Variants in MYO5B observed in about 807,000 individuals in gnomAD.
MYO5B encodes myosin VB.
In MYO5B, 143 loss-of-function variants were observed where a neutral mutation model predicts 229.3. The ratio of observed to expected loss-of-function variants is 0.62; its 90% confidence interval spans 0.54 to 0.72. MYO5B has a LOEUF of 0.72. Among genes scored for constraint, MYO5B ranks in the 30% least tolerant of loss-of-function variants. The probability of loss-of-function intolerance (pLI) is 0.00; values close to 1 mark genes in which losing one functional copy is unlikely to be tolerated. For missense variants in MYO5B, 2,321 were observed against 2,331.0 expected (o/e 1.00, Z 0.09); for synonymous variants, 918 against 885.2 (o/e 1.04, Z -0.66).
intron 29 of MYO5B, among the ~76,000 whole-genome samples, chr18:49,857,426 G>A (rs895664358): frequency 4.6e-5 from 7 of 152,160 alleles, no homozygotes; most frequent in Non-Finnish European, 5.9e-5. Flanking sequence ...CCTGGGGGAC[G>A]TCAGGCCCAC....
chr18:50,031,758 C>G (rs1019880619), intron 4 of MYO5B, among the ~76,000 whole-genome samples: 9 of 152,340 alleles, frequency 5.9e-5, no homozygotes, highest in Non-Finnish European at 7.4e-5. Flanking sequence ...CATATTATTT[C>G]CTTATCCAAG....
intron 1 of MYO5B, among the ~76,000 whole-genome samples, chr18:50,117,651 C>T (rs2031986490): frequency 6.6e-6 from 1 of 152,028 alleles, no homozygotes; most frequent in African/African-American, 2.4e-5. Flanking sequence ...AAAACAGGGC[C>T]ATTATTCTCT....
intron 9 of MYO5B, among the ~76,000 whole-genome samples, chr18:49,977,539 C>G (rs1472418399): frequency 6.6e-6 from 1 of 152,134 alleles, no homozygotes; most frequent in Admixed American, 6.5e-5. Context: ...ACATTCTGTG[C>G]CTGGCACTGT....
chr18:49,953,936 A>ACT (rs2025458187), intron 13 of MYO5B, among the ~76,000 whole-genome samples: 1 of 59,988 alleles, frequency 1.7e-5, no homozygotes, highest in Non-Finnish European at 3.5e-5. Flanking sequence ...GTGTGTGTAG[A>ACT]CTATATATAT....
chr18:49,838,331 A>G (rs573219429), intron 36 of MYO5B, among the ~76,000 whole-genome samples: 26 of 152,338 alleles, frequency 1.7e-4, no homozygotes, highest in Admixed American at 1.6e-3. Flanking sequence ...TGGCAGGGCC[A>G]GGATTTAAAC....
chr18:50,116,818 C>A (rs2457965), intron 1 of MYO5B, among the ~76,000 whole-genome samples: 45,144 of 147,752 alleles, frequency 0.31, 7,333 homozygotes, highest in Admixed American at 0.45. Flanking sequence ...CTGATACCCA[C>A]TAAAGTCTGA....
chr18:50,172,646 T>C lies in MYO5B; in HGVS notation c.27+22121A>G, dbSNP rs2032936249. Among the ~76,000 whole-genome samples the C allele has an allele frequency of 1.3e-5, 2 of 152,222 alleles. 1 individual carries two copies. The highest frequency in any genetic ancestry group is 3.8e-4 in the East Asian group (2 of 5,198). On this transcript the variant is annotated intron_variant, in intron 1 of 39. Coordinates refer to ENST00000285039, the MANE Select transcript of MYO5B (RefSeq NM_001080467.3). ...GTCACTCATTTATTTTAAATATGTT[T>C]ACCAAGCACCTTCTATGTGCTACAT...
chr18:49,857,933 CT>C (rs1246145963), intron 29 of MYO5B, among the ~76,000 whole-genome samples: 1 of 152,244 alleles, frequency 6.6e-6, no homozygotes, highest in Non-Finnish European at 1.5e-5. Flanking sequence ...TGGAGTACTC[CT>C]CCTGCAGGCC....
chr18:50,144,352 G>A (rs565312747), intron 1 of MYO5B, among the ~76,000 whole-genome samples: 1 of 152,058 alleles, frequency 6.6e-6, no homozygotes, highest in African/African-American at 2.4e-5. Context: ...TGATCCCTCT[G>A]AAAAAAAGTC....
chr18:50,124,730 C>T (rs922157963), intron 1 of MYO5B, among the ~76,000 whole-genome samples: 4 of 152,004 alleles, frequency 2.6e-5, no homozygotes, highest in African/African-American at 9.7e-5. Context: ...AGTAACTCCA[C>T]ATCACTGCTT....
Position 50,040,129 on chromosome 18 carries a change from T to C in MYO5B, c.310+14A>G. ...CTTTCCAACGCATGCAGCCAACAGA[T>C]GCCCCCCACTTACCACAGTAAGTGT... On this transcript the variant is annotated intron_variant, in intron 3 of 39. Transcript: ENST00000285039. 6.2e-7 allele frequency: 1 copy of C among 1,614,024 alleles called. No homozygotes were observed. Among genetic ancestry groups the C allele is most frequent in the Admixed American group, 1.7e-5 (1 of 60,028 alleles).
At chr18:49,876,847 C>A (rs1317892512) in intron 25 of MYO5B, among the ~76,000 whole-genome samples, 2 of 152,238 alleles carry the variant, frequency 1.3e-5, no homozygotes, top group African/African-American at 4.8e-5. Context: ...CTCCTTCTCT[C>A]CCTCCACCCT....
chr18:50,166,823 T>C (rs2032859159), intron 1 of MYO5B, among the ~76,000 whole-genome samples: 1 of 152,202 alleles, frequency 6.6e-6, no homozygotes, highest in East Asian at 1.9e-4. Flanking sequence ...ACAACTACTT[T>C]TCCCAGCTAT....
chr18:50,052,247 C>G (rs571017860), intron 2 of MYO5B, among the ~76,000 whole-genome samples: 1 of 152,040 alleles, frequency 6.6e-6, no homozygotes, highest in Non-Finnish European at 1.5e-5. Context: ...TATAAAGACA[C>G]ATGCAAACGT....
chr18:49,895,618 G>A (rs868721826), intron 21 of MYO5B, among the ~76,000 whole-genome samples: 17 of 152,236 alleles, frequency 1.1e-4, no homozygotes, highest in South Asian at 2.1e-4. Context: ...CAATCTAATC[G>A]CTGGCTTTGA....
intron 10 of MYO5B, 97 bp from the exon 11 acceptor site, chr18:49,963,127 C>T: frequency 3.3e-6 from 3 of 917,674 alleles, no homozygotes; most frequent in Non-Finnish European, 5.5e-6. Flanking sequence ...TCCCCCGATG[C>T]CACTACAGAA....
chr18:49,899,030 A>T (rs2024812345), intron 21 of MYO5B, among the ~76,000 whole-genome samples: 1 of 152,164 alleles, frequency 6.6e-6, no homozygotes, highest in Non-Finnish European at 1.5e-5. Context: ...GAAGAACTAA[A>T]GCCCCAATCA....
intron 6 of MYO5B, 148 bp downstream of exon 6, chr18:49,992,140 G>C (rs1313367434): frequency 1.8e-6 from 2 of 1,129,368 alleles, no homozygotes; most frequent in Admixed American, 1.7e-5. Flanking sequence ...AACACTTACT[G>C]ATAAAAGATA....
At chr18:49,887,351 T>A (rs1202052244) in intron 22 of MYO5B, among the ~76,000 whole-genome samples, 2 of 152,106 alleles carry the variant, frequency 1.3e-5, no homozygotes, top group African/African-American at 4.8e-5. Context: ...GGTCTTGATC[T>A]TCTCAGGTGA....
Sources: gnomAD v4.1 joint callset for allele counts (sites outside exome capture counted in the v4.1 genomes callset) on GRCh38, gnomAD v4.1.1 for gene constraint, MANE v1.5 for transcripts, NCBI Gene and HGNC (gene_info 2026-07-23, HGNC 2026-07-21) for gene names.